EIF4H: variants seen among roughly 807,000 people sequenced by gnomAD.
EIF4H encodes eukaryotic translation initiation factor 4H, also known as Williams-Beuren syndrome chromosome region 1.
EIF4H carries 8 observed loss-of-function variants against 30.6 expected under a neutral mutation model. That is an observed-to-expected ratio of 0.26 (90% CI 0.15 to 0.47). EIF4H has a LOEUF of 0.47. EIF4H is among the 20% of genes least tolerant of loss of function. The pLI is 0.99. For missense variants in EIF4H, 188 were observed against 339.5 expected (o/e 0.55, Z 3.51); for synonymous variants, 106 against 122.7 (o/e 0.86, Z 0.90).
intron 1 of EIF4H, among the ~76,000 whole-genome samples, chr7:74,177,389 C>T (rs1311900437): frequency 6.6e-6 from 1 of 152,126 alleles, no homozygotes; most frequent in African/African-American, 2.4e-5. Context: ...TTTCAGTATA[C>T]ATTTCAGGGA....
intron 5 of EIF4H, among the ~76,000 whole-genome samples, chr7:74,193,513 T>G (rs1295950303): frequency 3.9e-5 from 6 of 152,134 alleles, no homozygotes; most frequent in Non-Finnish European, 8.8e-5. Flanking sequence ...CTTGGAGCCT[T>G]GGCACCACTC....
At chr7:74,185,805 A>C (rs1228937517) in intron 1 of EIF4H, among the ~76,000 whole-genome samples, 2 of 152,094 alleles carry the variant, frequency 1.3e-5, no homozygotes, top group Admixed American at 6.6e-5. Flanking sequence ...GGTTGTTGTG[A>C]AGGATCTCAT....
In EIF4H at chr7:74,187,495, A is replaced by G. The variant is rs1395297471; in HGVS notation, c.60-116A>G. 4 of 1,081,554 alleles carry G rather than the reference A, an allele frequency of 3.7e-6. No individual in the cohort carries two copies. In the African/African-American group the frequency reaches 4.8e-5, roughly 13 times the overall value. 67.0% of individuals were successfully genotyped at this position (1,081,554 alleles called of 1,614,324 possible). A position where few individuals can be genotyped will look rare whatever the true frequency, so the allele number is the denominator to read the frequency against. Reference sequence around the variant, plus strand: ...ATTCTCTGTAACAGTCTTGTGGTACATCGAGCAGAGTGCCTCACCTGGGGC... The same window carrying G: ...ATTCTCTGTAACAGTCTTGTGGTACGTCGAGCAGAGTGCCTCACCTGGGGC... On this transcript the variant is annotated intron_variant, in intron 1 of 6. Coordinates refer to ENST00000265753, the MANE Select transcript of EIF4H (RefSeq NM_022170.2).
intron 1 of EIF4H, among the ~76,000 whole-genome samples, chr7:74,182,271 A>G (rs782242229): frequency 7.2e-5 from 11 of 152,290 alleles, no homozygotes; most frequent in African/African-American, 1.2e-4. Flanking sequence ...CTATACTACT[A>G]TGGTTTATAA....
intron 1 of EIF4H, among the ~76,000 whole-genome samples, chr7:74,185,263 G>T (rs960815776): frequency 2.0e-5 from 3 of 152,148 alleles, no homozygotes; most frequent in African/African-American, 7.2e-5. Context: ...AAACTGTTGG[G>T]ATTACAGGCA....
At chr7:74,181,514 C>T (rs1047873636) in intron 1 of EIF4H, among the ~76,000 whole-genome samples, 2 of 152,242 alleles carry the variant, frequency 1.3e-5, no homozygotes, top group Admixed American at 6.5e-5. Flanking sequence ...TCACCACAAC[C>T]TCCGCCTCCT....
chr7:74,186,815 T>A (rs868929980), intron 1 of EIF4H, among the ~76,000 whole-genome samples: 21,109 of 105,458 alleles, frequency 0.2, 3,830 homozygotes, highest in Middle Eastern at 0.33. Flanking sequence ...TTTTTTTTTT[T>A]TTTTTTTTTT....
At chr7:74,179,965 C>T (rs1012192359) in intron 1 of EIF4H, among the ~76,000 whole-genome samples, 1 of 152,152 alleles carries the variant, frequency 6.6e-6, no homozygotes, top group African/African-American at 2.4e-5. Context: ...TCTGTAATCC[C>T]AACACTTTGG....
intron 5 of EIF4H, among the ~76,000 whole-genome samples, chr7:74,190,830 C>T (rs1406705246): frequency 6.6e-6 from 1 of 152,140 alleles, no homozygotes; most frequent in Non-Finnish European, 1.5e-5. Context: ...AAGCATCAGT[C>T]CACACGCCAG....
chr7:74,174,380 G>T lies in EIF4H; in HGVS notation c.-4G>T, dbSNP rs547219231. ...CCTGGTTCCTCTCGGAGCGGAGACG[G>T]CAAATGGCGGACTTCGACACCTACG... On this transcript the variant is annotated 5_prime_UTR_variant, in exon 1 of 7. Transcript: ENST00000265753. 8.1e-5 allele frequency: 118 copies of T among 1,457,014 alleles called. 1 individual carries two copies. In the South Asian group the frequency reaches 1.5e-3, roughly 18 times the overall value. The allele number at this position is 1,457,014 out of a possible 1,614,324, so 90.3% of individuals were successfully genotyped here. A position where few individuals can be genotyped will look rare whatever the true frequency, so the allele number is the denominator to read the frequency against.
intron 3 of EIF4H, 27 bp from the exon 4 acceptor site, chr7:74,189,795 C>T: frequency 6.2e-7 from 1 of 1,614,102 alleles, no homozygotes; most frequent in Non-Finnish European, 8.5e-7. Flanking sequence ...TTTGCCAATA[C>T]TTACACTATT....
intron 1 of EIF4H, among the ~76,000 whole-genome samples, chr7:74,178,365 C>T (rs1800886071): frequency 2.0e-5 from 3 of 152,086 alleles, no homozygotes; most frequent in Admixed American, 2.0e-4. Context: ...CCCTGACCAA[C>T]GTGGCAAAAC....
chr7:74,178,977 G>A (rs1233275979), intron 1 of EIF4H, among the ~76,000 whole-genome samples: 1 of 152,154 alleles, frequency 6.6e-6, no homozygotes, highest in Non-Finnish European at 1.5e-5. Context: ...GGGCTAGGGG[G>A]GCCGTCACCT....
At chr7:74,186,630 A>G (rs1554709179) in intron 1 of EIF4H, among the ~76,000 whole-genome samples, 1 of 152,118 alleles carries the variant, frequency 6.6e-6, no homozygotes, top group Non-Finnish European at 1.5e-5. Flanking sequence ...AGGAGATGAC[A>G]TCGAGGTTGA....
rs1554708105 is a variant in EIF4H at position 74,179,409 on chromosome 7, A to C, written c.59+4967A>C. On this transcript the variant is annotated intron_variant, in intron 1 of 6. Coordinates refer to ENST00000265753, the MANE Select transcript of EIF4H (RefSeq NM_022170.2). ...GACTTTGGGAGGCCAAGGCGGGCGG[A>C]TTACCTGAGGTCAGTAGTCTGAGAC... 2.6e-5 allele frequency among the ~76,000 whole-genome samples: 4 copies of C among 152,136 alleles called. No homozygotes were observed. The East Asian group carries it at 7.7e-4, about 29-fold the overall frequency.
At chr7:74,186,280 A>G (rs570261506) in intron 1 of EIF4H, among the ~76,000 whole-genome samples, 19 of 151,114 alleles carry the variant, frequency 1.3e-4, no homozygotes, top group Admixed American at 2.0e-4. Context: ...CTGGAGTGCA[A>G]TGGGCTCACT....
At chr7:74,191,985 TAGCC>T (rs1801229428) in intron 5 of EIF4H, among the ~76,000 whole-genome samples, 1 of 152,118 alleles carries the variant, frequency 6.6e-6, no homozygotes, top group South Asian at 2.1e-4. Context: ...TTCATCATGT[TAGCC>T]AGGATGGTCT....
chr7:74,192,704 G>A (rs1801250801), intron 5 of EIF4H, among the ~76,000 whole-genome samples: 1 of 125,588 alleles, frequency 8.0e-6, no homozygotes, highest in South Asian at 2.4e-4. Context: ...TTGAGACAGA[G>A]GCTCACTCTG....
intron 1 of EIF4H, among the ~76,000 whole-genome samples, chr7:74,184,660 T>C (rs1801042673): frequency 6.6e-6 from 1 of 152,116 alleles, no homozygotes; most frequent in African/African-American, 2.4e-5. Flanking sequence ...TTTGTTTGTT[T>C]GGTTTTGTTG....
Sources: gnomAD v4.1 joint callset for allele counts (sites outside exome capture counted in the v4.1 genomes callset) on GRCh38, gnomAD v4.1.1 for gene constraint, MANE v1.5 for transcripts, NCBI Gene and HGNC (gene_info 2026-07-23, HGNC 2026-07-21) for gene names.